The following JAM3 variants were observed in gnomAD, a reference collection of about 807,000 sequenced individuals.
JAM3 encodes the protein junctional adhesion molecule 3, also known as junctional adhesion molecule C.
Under a neutral mutation model 39.4 loss-of-function variants are expected in JAM3, and 31 were observed. The observed-to-expected ratio is 0.79, with a 90% CI of 0.59 to 1.06. The LOEUF (loss-of-function observed/expected upper bound fraction) is 1.06, where lower values mean the gene tolerates loss of function less well. Ranked by LOEUF, JAM3 falls within the 50% of genes least tolerant of loss-of-function variation. JAM3 has a pLI of 0.00. For synonymous variants in JAM3, 182 were observed against 148.7 expected, an observed-to-expected ratio of 1.22 and a Z score of -1.63; for missense variants, 455 against 391.4, an observed-to-expected ratio of 1.16 and a Z score of -1.37.
chr11:134,124,031 C>G, intron 1 of JAM3: 1 of 1,436,654 alleles, frequency 7.0e-7, no homozygotes, highest in South Asian at 1.1e-5. Flanking sequence ...CAACACAAGG[C>G]ACTGCAACAC....
rs911601489 is a variant in JAM3, at chr11:134,114,342, T to C, written c.77-25509T>C. ...GTCTAACATTTAAGTCTTTAATCCA[T>C]CTTGAATTAATTTTTGTATAAGGTG... On this transcript the variant is annotated intron_variant, in intron 1 of 8. Transcript: ENST00000299106. Among the ~76,000 whole-genome samples the C allele has an allele frequency of 5.3e-5, 8 of 152,320 alleles. No individual in the cohort carries two copies. In the East Asian group the frequency reaches 5.8e-4, roughly 11 times the overall value.
intron 1 of JAM3, among the ~76,000 whole-genome samples, chr11:134,115,733 T>C (rs1230403454): frequency 9.9e-5 from 15 of 151,274 alleles, no homozygotes. Context: ...AGATCCTGTC[T>C]CTTAAAAAAA....
chr11:134,131,382 A>T (rs1591800663), intron 1 of JAM3, among the ~76,000 whole-genome samples: 1 of 152,068 alleles, frequency 6.6e-6, no homozygotes, highest in Admixed American at 6.6e-5. Flanking sequence ...CTGAGTCTCA[A>T]ATGGACTACT....
At chr11:134,148,331 G>C in intron 6 of JAM3, 1 of 605,076 alleles carries the variant, frequency 1.7e-6, no homozygotes, top group East Asian at 2.8e-5. Flanking sequence ...AACTGTAGAA[G>C]TCTCAGTACT....
chr11:134,086,758 C>T (rs1387661038), intron 1 of JAM3, among the ~76,000 whole-genome samples: 5 of 152,048 alleles, frequency 3.3e-5, no homozygotes, highest in Non-Finnish European at 5.9e-5. Context: ...CTGTTTCCAC[C>T]TAAGAGGTTT....
At chr11:134,105,480 T>G (rs535386062) in intron 1 of JAM3, among the ~76,000 whole-genome samples, 1 of 152,220 alleles carries the variant, frequency 6.6e-6, no homozygotes, top group South Asian at 2.1e-4. Flanking sequence ...CTATTCAACA[T>G]AGTGTTGGAA....
chr11:134,089,760 A>C (rs1483148320), intron 1 of JAM3, among the ~76,000 whole-genome samples: 3 of 152,242 alleles, frequency 2.0e-5, no homozygotes, highest in African/African-American at 7.2e-5. Flanking sequence ...ATAGTGTCGC[A>C]GTAAACATAC....
chr11:134,098,340 G>A (rs1229284672), intron 1 of JAM3, among the ~76,000 whole-genome samples: 2 of 152,028 alleles, frequency 1.3e-5, no homozygotes, highest in Admixed American at 6.5e-5. Context: ...TTTTGAAAGA[G>A]GTCTTTTAAT....
In JAM3 at chr11:134,069,087, G is replaced by A. The variant is rs767306661; in HGVS notation, c.4G>A (p.Ala2Thr). The A allele has an allele frequency of 2.2e-5, 35 of 1,611,084 alleles. No homozygotes were observed. The highest frequency in any genetic ancestry group is 1.5e-4 in the African/African-American group (11 of 74,688). The change falls in exon 1 of 9, where the codon GCG becomes ACG. Residue 2 changes from alanine to threonine, a missense_variant. By Grantham distance (58) the Ala-to-Thr change is moderately conservative. Transcript: ENST00000299106. M[A>T]LRRPPRLRLC... Reference sequence around the variant, plus strand: ...TGGCCCCTCAGCAACCCTCGACATGGCGCTGAGGCGGCCACCGCGACTCCG... The same window carrying A: ...TGGCCCCTCAGCAACCCTCGACATGACGCTGAGGCGGCCACCGCGACTCCG...
chr11:134,101,751 A>G (rs1233252654), intron 1 of JAM3, among the ~76,000 whole-genome samples: 1 of 152,060 alleles, frequency 6.6e-6, no homozygotes, highest in East Asian at 1.9e-4. Flanking sequence ...AGTGCTAGCT[A>G]TGTGCCAGGA....
At chr11:134,118,147 C>G (rs1489150287) in intron 1 of JAM3, among the ~76,000 whole-genome samples, 1 of 152,152 alleles carries the variant, frequency 6.6e-6, no homozygotes, top group African/African-American at 2.4e-5. Flanking sequence ...TTTTACTGAA[C>G]AAGAATATGC....
Position 134,135,232 on chromosome 11 carries a change from G to T in JAM3, c.77-4619G>T, listed in dbSNP as rs563999458. Among the ~76,000 whole-genome samples, 21 of 152,318 alleles carry T rather than the reference G, an allele frequency of 1.4e-4. No homozygotes were observed. In the South Asian group the frequency reaches 4.4e-3, roughly 32 times the overall value. ...AGGGTCTAACTTCATCATTGTGCAT[G>T]TGGATATCCAGTTTTCCCAGCACTG... On this transcript the variant is annotated intron_variant, in intron 1 of 8. Coordinates refer to ENST00000299106, the MANE Select transcript of JAM3 (RefSeq NM_032801.5).
At chr11:134,140,063 A>G in intron 2 of JAM3, 147 bp downstream of exon 2, 1 of 707,728 alleles carries the variant, frequency 1.4e-6, no homozygotes. Flanking sequence ...GCCTGGAAGC[A>G]TGGCATCAGC....
chr11:134,100,967 G>A (rs1270573674), intron 1 of JAM3, among the ~76,000 whole-genome samples: 1 of 152,210 alleles, frequency 6.6e-6, no homozygotes, highest in Admixed American at 6.5e-5. Context: ...TGAAATCACA[G>A]TGATGTTTAT....
intron 3 of JAM3, among the ~76,000 whole-genome samples, chr11:134,141,907 A>G: frequency 6.6e-6 from 1 of 150,592 alleles, no homozygotes; most frequent in African/African-American, 2.4e-5. Context: ...GTTGAGAGGG[A>G]TTTGTGGAAG....
At chr11:134,114,269 C>G (rs546885564) in intron 1 of JAM3, among the ~76,000 whole-genome samples, 2 of 152,322 alleles carry the variant, frequency 1.3e-5, no homozygotes, top group East Asian at 1.9e-4. Context: ...AGTCCTTGCC[C>G]ATGCCTATGT....
chr11:134,147,181 G>T (rs181052671), intron 6 of JAM3, among the ~76,000 whole-genome samples: 2 of 152,026 alleles, frequency 1.3e-5, no homozygotes, highest in South Asian at 2.1e-4. Flanking sequence ...CATGCCAGGC[G>T]TGGTGGCTCA....
chr11:134,115,004 A>G (rs1942395732), intron 1 of JAM3, among the ~76,000 whole-genome samples: 1 of 152,212 alleles, frequency 6.6e-6, no homozygotes, highest in Non-Finnish European at 1.5e-5. Flanking sequence ...CAGTTTTTGC[A>G]TAATATATTT....
intron 1 of JAM3, among the ~76,000 whole-genome samples, chr11:134,110,210 G>C (rs889717316): frequency 4.6e-5 from 7 of 152,138 alleles, no homozygotes; most frequent in African/African-American, 1.4e-4. Flanking sequence ...CCCATCCATT[G>C]CAGGTGGGAA....
Sources: allele counts gnomAD v4.1 joint callset (sites outside exome capture counted in the v4.1 genomes callset), GRCh38; gene constraint gnomAD v4.1.1; transcripts MANE v1.5; gene names NCBI Gene and HGNC (gene_info 2026-07-23, HGNC 2026-07-21).